HYDIN: variants seen among roughly 807,000 people sequenced by gnomAD.
HYDIN encodes the protein HYDIN axonemal central pair apparatus protein, also known as axonemal central pair apparatus protein HYDIN.
Under a neutral mutation model 403.9 loss-of-function variants are expected in HYDIN, and 132 were observed. The ratio of observed to expected loss-of-function variants is 0.33; its 90% CI spans 0.28 to 0.38. HYDIN has a LOEUF of 0.38. Among genes scored for constraint, HYDIN ranks in the 10% least tolerant of loss-of-function variants. HYDIN has a pLI of 1.00. For synonymous variants in HYDIN, 1,202 were observed against 1,891.7 expected, an observed-to-expected ratio of 0.64 and a Z score of 9.46; for missense variants, 2,827 against 5,009.5, an observed-to-expected ratio of 0.56 and a Z score of 13.15.
rs1321682674 is a variant in HYDIN at position 70,803,811 on chromosome 16, G to T, written c.*3769C>A. Among the ~76,000 whole-genome samples, 2 of 152,174 alleles carry T rather than the reference G, an allele frequency of 1.3e-5. No homozygotes were observed. Among genetic ancestry groups the T allele is most frequent in the African/African-American group, 2.4e-5 (1 of 41,446 alleles). ...TCACCTCTGACTTGAGGCTCCTAAA[G>T]AAGTGGTTAGACTTAGCATGCCACA... On this transcript the variant is annotated 3_prime_UTR_variant, in exon 86 of 86. Transcript: ENST00000393567.
chr16:71,026,228 T>C (rs1245471103), intron 20 of HYDIN, among the ~76,000 whole-genome samples: 1 of 152,290 alleles, frequency 6.6e-6, no homozygotes, highest in Non-Finnish European at 1.5e-5. Context: ...CTTAAACATT[T>C]AAAAATCATG....
chr16:70,831,487 G>A (rs2036981294), intron 80 of HYDIN, among the ~76,000 whole-genome samples: 1 of 125,394 alleles, frequency 8.0e-6, no homozygotes. Context: ...CCAGCCTGGG[G>A]AACAGAGTGA....
intron 76 of HYDIN, among the ~76,000 whole-genome samples, chr16:70,839,559 CT>C (rs756801886): frequency 1.0e-3 from 153 of 149,850 alleles, no homozygotes; most frequent in Admixed American, 2.5e-3. Context: ...TGATAGATAG[CT>C]TTGAGTAAAC....
intron 22 of HYDIN, among the ~76,000 whole-genome samples, chr16:71,019,644 T>A (rs1012086876): frequency 6.6e-6 from 1 of 152,262 alleles, no homozygotes; most frequent in African/African-American, 2.4e-5. Flanking sequence ...AAAATGACAT[T>A]ATTGTTTTGT....
chr16:70,991,313 C>G lies in HYDIN; in HGVS notation c.3864+5G>C. ...CCTACCCTCCCCATGGAAAGGACAC[C>G]GTACATCTGAGATCACACTGGAAGC... On this transcript the variant is annotated splice_donor_5th_base_variant and intron_variant, in intron 25 of 85. Coordinates refer to ENST00000393567, the MANE Select transcript of HYDIN (RefSeq NM_001270974.2). 1.2e-6 allele frequency: 2 copies of G among 1,613,922 alleles called. No individual in the cohort carries two copies. Among genetic ancestry groups the G allele is most frequent in the Middle Eastern group, 1.7e-4 (1 of 6,060 alleles).
At chr16:70,808,608 A>G (rs925961309) in intron 85 of HYDIN, among the ~76,000 whole-genome samples, 2 of 152,210 alleles carry the variant, frequency 1.3e-5, no homozygotes, top group Admixed American at 6.5e-5. Context: ...AAATTGCTCA[A>G]ATGAGAAACA....
intron 7 of HYDIN, among the ~76,000 whole-genome samples, chr16:71,150,864 A>G (rs1219059350): frequency 1.3e-5 from 2 of 152,236 alleles, no homozygotes; most frequent in Admixed American, 6.5e-5. Context: ...TTACAAATTA[A>G]TAACAAAAGA....
intron 3 of HYDIN, among the ~76,000 whole-genome samples, chr16:71,179,940 T>A (rs2086833106): frequency 6.6e-6 from 1 of 152,180 alleles, no homozygotes; most frequent in South Asian, 2.1e-4. Flanking sequence ...GGCACACAGT[T>A]TGAAAACTGC....
Position 70,879,689 on chromosome 16 carries a change from T to C in HYDIN, c.10283A>G (p.His3428Arg). The C allele has an allele frequency of 6.8e-7, 1 of 1,476,676 alleles. No homozygotes were observed. The highest frequency in any genetic ancestry group is 9.4e-7 in the Non-Finnish European group (1 of 1,063,290). The allele number at this position is 1,476,676 out of a possible 1,614,324, so 91.5% of individuals were successfully genotyped here. ...PSKMCIASHS[H>R]AFATVSFTPQ... The stretch of plus-strand genomic sequence containing the variant: ...GGTGAAGGACACCGTGGCAAAGGCA[T>C]GGGAATGACTGGCAATGCACATCTT... Residue 3428 changes from histidine to arginine, a missense_variant, in exon 61 of 86, where the codon CAT becomes CGT. By Grantham distance (29) the His-to-Arg change is conservative. Coordinates refer to ENST00000393567, the MANE Select transcript of HYDIN (RefSeq NM_001270974.2).
chr16:71,223,190 A>G (rs1050509157), intron 1 of HYDIN, among the ~76,000 whole-genome samples: 1 of 152,196 alleles, frequency 6.6e-6, no homozygotes, highest in Non-Finnish European at 1.5e-5. Context: ...GCCAACTGAT[A>G]TTTGACAAAG....
chr16:71,063,707 G>C (rs1336559827), intron 16 of HYDIN, among the ~76,000 whole-genome samples: 1 of 152,140 alleles, frequency 6.6e-6, no homozygotes, highest in Non-Finnish European at 1.5e-5. Context: ...TTACGTAACA[G>C]CCCCGTGACT....
intron 18 of HYDIN, among the ~76,000 whole-genome samples, chr16:71,059,495 T>C (rs2082011812): frequency 6.6e-6 from 1 of 152,082 alleles, no homozygotes; most frequent in Non-Finnish European, 1.5e-5. Flanking sequence ...CATTGGTCTA[T>C]GTGTCTGGAA....
At chr16:71,229,164 G>A in intron 1 of HYDIN, among the ~76,000 whole-genome samples, 2 of 125,548 alleles carry the variant, frequency 1.6e-5, no homozygotes, top group South Asian at 6.6e-4. Flanking sequence ...TGTGGGGTGG[G>A]GGGAGGGGGG....
At chr16:71,156,090 G>A (rs1226987816) in intron 6 of HYDIN, among the ~76,000 whole-genome samples, 1 of 146,014 alleles carries the variant, frequency 6.8e-6, no homozygotes, top group Non-Finnish European at 1.5e-5. Context: ...ATATTTCTTG[G>A]TAGCAAAAGA....
chr16:70,938,679 C>A lies in HYDIN; in HGVS notation c.6930G>T (p.Leu2310=). The change falls in exon 44 of 86, where the codon CTG becomes CTT. Residue 2310 remains leucine, a synonymous_variant. Coordinates refer to ENST00000393567, the MANE Select transcript of HYDIN (RefSeq NM_001270974.2). ...QNMDEEEYDA[L]TEEEKLTFDR... is the part of the protein sequence containing the mutation. Reference sequence around the variant, plus strand: ...CGAATGTGAGTTTCTCCTCCTCAGTCAGGGCATCATATTCTTCCTCATCCA... The same window carrying A: ...CGAATGTGAGTTTCTCCTCCTCAGTAAGGGCATCATATTCTTCCTCATCCA... 1 of 1,613,150 alleles carries A rather than the reference C, an allele frequency of 6.2e-7. No individual in the cohort carries two copies. Among genetic ancestry groups the A allele is most frequent in the Non-Finnish European group, 8.5e-7 (1 of 1,179,212 alleles).
At chr16:71,215,290 G>C (rs2088822625) in intron 1 of HYDIN, among the ~76,000 whole-genome samples, 1 of 151,784 alleles carries the variant, frequency 6.6e-6, no homozygotes, top group Admixed American at 6.6e-5. Flanking sequence ...AAGGAGGGAG[G>C]GAAAGAGGAA....
chr16:70,811,108 G>C (rs184173044), intron 84 of HYDIN, among the ~76,000 whole-genome samples: 60 of 152,210 alleles, frequency 3.9e-4, no homozygotes, highest in African/African-American at 1.3e-3. Context: ...CTATGAGTAA[G>C]TATTTAAAAA....
rs200877304 is a variant in HYDIN, at chr16:70,874,825, T to G, written c.10652A>C (p.His3551Pro). The G allele has an allele frequency of 1.9e-6, 3 of 1,613,638 alleles. No homozygotes were observed. The South Asian group carries it at 3.3e-5, about 18-fold the overall frequency. Reference protein sequence around the residue: ...YIYITEENKPHVKAKKAHTAS... With the variant: ...YIYITEENKPPVKAKKAHTAS... ...ACCCTCCCCACACTTACCTTTTACATGTGGTTTATTTTCCTCTGTGATGTA... is the reference window on the plus strand; with the variant it reads ...ACCCTCCCCACACTTACCTTTTACAGGTGGTTTATTTTCCTCTGTGATGTA... The change falls in exon 63 of 86, where the codon CAT becomes CCT. Residue 3551 changes from histidine to proline, a missense_variant. By Grantham distance (77) the His-to-Pro change is moderately conservative. Transcript: ENST00000393567.
chr16:71,213,777 TCC>T (rs2144738721), intron 1 of HYDIN, among the ~76,000 whole-genome samples: 1 of 152,072 alleles, frequency 6.6e-6, no homozygotes, highest in African/African-American at 2.4e-5. Flanking sequence ...AGAAGTAACT[TCC>T]CCAAACTAAT....
Sources: allele counts gnomAD v4.1 joint callset (sites outside exome capture counted in the v4.1 genomes callset), GRCh38; gene constraint gnomAD v4.1.1; transcripts MANE v1.5; gene names NCBI Gene and HGNC (gene_info 2026-07-23, HGNC 2026-07-21).